The following SSR1 variants were observed in gnomAD, a reference collection of about 807,000 sequenced individuals.
The protein encoded by SSR1 is translocon-associated protein subunit alpha.
In SSR1, 13 loss-of-function variants were observed where a neutral mutation model predicts 36.1. That is an observed-to-expected ratio of 0.36 (90% CI 0.23 to 0.57). The LOEUF (loss-of-function observed/expected upper bound fraction) is 0.57. Among genes scored for constraint, SSR1 ranks in the 20% least tolerant of loss-of-function variants. The pLI is 0.81. For synonymous variants in SSR1, 113 were observed against 118.9 expected (o/e 0.95, Z 0.32); for missense variants, 291 against 338.5 (o/e 0.86, Z 1.10).
chr6:7,312,462 G>C (rs1301034285), intron 1 of SSR1, among the ~76,000 whole-genome samples: 1 of 152,184 alleles, frequency 6.6e-6, no homozygotes, highest in East Asian at 1.9e-4. Flanking sequence ...CTGAAATCAA[G>C]CCTCCTAGTA....
chr6:7,305,415 A>G (rs1758033673), intron 2 of SSR1, among the ~76,000 whole-genome samples: 1 of 152,248 alleles, frequency 6.6e-6, no homozygotes, highest in East Asian at 1.9e-4. Context: ...TTTACTAGAT[A>G]TATGGGACCA....
intron 7 of SSR1, among the ~76,000 whole-genome samples, chr6:7,293,173 C>CTTTT: frequency 6.9e-6 from 1 of 145,106 alleles, no homozygotes; most frequent in East Asian, 2.0e-4. Context: ...CTGTGATTTC[C>CTTTT]TTTTTTTTTT....
At chr6:7,298,022 A>G (rs762253042) in intron 5 of SSR1, 21 bp from the exon 6 acceptor site, 39 of 1,577,584 alleles carry the variant, frequency 2.5e-5, no homozygotes, top group Non-Finnish European at 3.4e-5. Flanking sequence ...AGGAGAAAAT[A>G]TGAACTGTCT....
chr6:7,298,754 C>G lies in SSR1; in HGVS notation c.613G>C (p.Gly205Arg), dbSNP rs1367258473. The G allele has an allele frequency of 1.2e-6, 2 of 1,612,400 alleles. No homozygotes were observed. Among genetic ancestry groups the G allele is most frequent in the Non-Finnish European group, 1.7e-6 (2 of 1,178,848 alleles). Reference sequence around the variant, plus strand: ...ACTACAACTTTCACTTACGTTTCTCCATCTAACCCATCCTCTCTTTCAATA... The same window carrying G: ...ACTACAACTTTCACTTACGTTTCTCGATCTAACCCATCCTCTCTTTCAATA... Reference protein sequence around the residue: ...TVIEREDGLDGETIFMYMFLA... With the variant: ...TVIEREDGLDRETIFMYMFLA... Residue 205 changes from glycine to arginine, a missense_variant, in exon 5 of 8, where the codon GGA (glycine) becomes CGA (arginine). Physicochemically the swap from Gly to Arg is moderately radical, Grantham distance 125 (BLOSUM62 -2). Coordinates refer to ENST00000244763, the MANE Select transcript of SSR1 (RefSeq NM_003144.5).
intron 7 of SSR1, among the ~76,000 whole-genome samples, chr6:7,294,076 T>G (rs1011097974): frequency 7.9e-5 from 12 of 152,278 alleles, no homozygotes; most frequent in African/African-American, 2.6e-4. Flanking sequence ...TAAGAAGTTA[T>G]CCTATAAATT....
chr6:7,292,202 T>A (rs1757700432), intron 7 of SSR1, among the ~76,000 whole-genome samples: 1 of 152,232 alleles, frequency 6.6e-6, no homozygotes, highest in African/African-American at 2.4e-5. Context: ...CATCCTTATC[T>A]GGGAGTCCCA....
At chr6:7,293,661 G>A (rs1757731873) in intron 7 of SSR1, among the ~76,000 whole-genome samples, 1 of 152,072 alleles carries the variant, frequency 6.6e-6, no homozygotes, top group South Asian at 2.1e-4. Context: ...CGATCCTCCT[G>A]CCTCAGCCTC....
intron 3 of SSR1, among the ~76,000 whole-genome samples, chr6:7,302,867 G>A (rs542360226): frequency 2.2e-4 from 34 of 152,124 alleles, no homozygotes; most frequent in African/African-American, 7.5e-4. Flanking sequence ...GGCCAGACGC[G>A]GTGGCTCATG....
At chr6:7,301,656 G>A in intron 3 of SSR1, 84 bp from the exon 4 acceptor site, 1 of 1,394,334 alleles carries the variant, frequency 7.2e-7, no homozygotes, top group Middle Eastern at 2.5e-4. Context: ...ATGGATTCTG[G>A]CACCCTTTCC....
chr6:7,297,762 A>T (rs536091442), intron 6 of SSR1, among the ~76,000 whole-genome samples, 161 bp downstream of exon 6: 87 of 152,286 alleles, frequency 5.7e-4, no homozygotes, highest in African/African-American at 2.0e-3. Flanking sequence ...AAATGAATCA[A>T]TTTACATATC....
At chr6:7,310,786 C>T (rs1758176209) in intron 1 of SSR1, among the ~76,000 whole-genome samples, 1 of 152,136 alleles carries the variant, frequency 6.6e-6, no homozygotes, top group Non-Finnish European at 1.5e-5. Flanking sequence ...TGGCACACAC[C>T]TGTGGTTCCA....
At chr6:7,310,179 A>C (rs1045908931) in intron 1 of SSR1, 150 bp from the exon 2 acceptor site, 3 of 600,010 alleles carry the variant, frequency 5.0e-6, no homozygotes, top group Non-Finnish European at 8.8e-6. Flanking sequence ...GCACCGAAGA[A>C]TATTTATATT....
At chr6:7,297,553 T>TGC (rs1307003206) in intron 6 of SSR1, among the ~76,000 whole-genome samples, 2 of 152,026 alleles carry the variant, frequency 1.3e-5, no homozygotes, top group African/African-American at 2.4e-5. Flanking sequence ...GGCAAAACCC[T>TGC]GCCTCTACAA....
Position 7,284,088 on chromosome 6 carries a change from AT to A in SSR1, c.*5775del, listed in dbSNP as rs1757493041. The A allele has an allele frequency of 6.6e-6, 1 of 152,186 alleles. No individual in the cohort carries two copies. Among genetic ancestry groups the A allele is most frequent in the South Asian group, 2.1e-4 (1 of 4,832 alleles). 9.4% of individuals were successfully genotyped at this position (152,186 alleles called of 1,614,324 possible). On this transcript the variant is annotated 3_prime_UTR_variant, in exon 8 of 8. Transcript: ENST00000244763. ...CTCTAGGCCTTAAGCGCCTATTTCTATAAATGTTGGGTGATCAGACCAATAT... is the reference window on the plus strand; with the variant it reads ...CTCTAGGCCTTAAGCGCCTATTTCTAAAATGTTGGGTGATCAGACCAATAT...
chr6:7,301,627 A>G (rs796439623), intron 3 of SSR1, 55 bp from the exon 4 acceptor site: 1 of 1,527,128 alleles, frequency 6.5e-7, no homozygotes, highest in South Asian at 1.3e-5. Context: ...AGCACAAAAT[A>G]TTTAAAAAGG....
At chr6:7,297,131 G>A (rs1210037765) in intron 6 of SSR1, 2 of 341,606 alleles carry the variant, frequency 5.9e-6, no homozygotes, top group Non-Finnish European at 1.2e-5. Flanking sequence ...GAGGTGGGAG[G>A]ATGACTTGAG....
Position 7,293,379 on chromosome 6 carries a change from A to G in SSR1, c.793+2013T>C, listed in dbSNP as rs141826682. Among the ~76,000 whole-genome samples the G allele has an allele frequency of 5.3e-3, 800 of 151,706 alleles. 10 individuals carry two copies. Among genetic ancestry groups the G allele is most frequent in the Middle Eastern group, 0.034 (10 of 294 alleles). Reference sequence around the variant, plus strand: ...CTTCCCCGAGTCCCAAAAGTCCATTATATCATTCTTATGCCTCTGCGTCCT... The same window carrying G: ...CTTCCCCGAGTCCCAAAAGTCCATTGTATCATTCTTATGCCTCTGCGTCCT... On this transcript the variant is annotated intron_variant, in intron 7 of 7. Coordinates refer to ENST00000244763, the MANE Select transcript of SSR1 (RefSeq NM_003144.5).
chr6:7,289,903 C>G lies in SSR1; in HGVS notation c.822G>C (p.Arg274Ser). Residue 274 changes from arginine to serine, a missense_variant, in exon 8 of 8, where the codon AGG becomes AGC. Coordinates refer to ENST00000244763, the MANE Select transcript of SSR1 (RefSeq NM_003144.5). ...CCACTGATCTCTTCTGTGCCCGTTT[C>G]CTGGGCAACCTTCTTGGTGAAGCTT... The part of the protein sequence containing the change: ...INKASPRRLP[R>S]KRAQKRSVGS... The G allele has an allele frequency of 6.5e-7, 1 of 1,537,520 alleles. No homozygotes were observed. The highest frequency in any genetic ancestry group is 2.5e-5 in the East Asian group (1 of 39,298).
intron 1 of SSR1, among the ~76,000 whole-genome samples, chr6:7,310,903 A>G (rs1368074546): frequency 6.6e-6 from 1 of 152,130 alleles, no homozygotes; most frequent in Admixed American, 6.6e-5. Context: ...ACAGCAAGAC[A>G]CCGTCTCAAA....
Sources: gnomAD v4.1 joint callset for allele counts (sites outside exome capture counted in the v4.1 genomes callset) on GRCh38, gnomAD v4.1.1 for gene constraint, MANE v1.5 for transcripts, NCBI Gene and HGNC (gene_info 2026-07-23, HGNC 2026-07-21) for gene names.